UNC5C: variants seen among roughly 807,000 people sequenced by gnomAD.
UNC5C encodes the protein unc-5 netrin receptor C.
A neutral mutation model predicts 99.8 loss-of-function variants in UNC5C; 47 were observed. That is an observed-to-expected ratio of 0.47 (90% CI 0.37 to 0.60). The LOEUF (loss-of-function observed/expected upper bound fraction) is 0.60. UNC5C is among the 20% of genes least tolerant of loss of function. The pLI is 0.00. For missense variants in UNC5C, 1,062 were observed against 1,165.9 expected (o/e 0.91, Z 1.30); for synonymous variants, 487 against 452.2 (o/e 1.08, Z -0.98).
At chr4:95,387,400 A>G (rs1199210025) in intron 1 of UNC5C, among the ~76,000 whole-genome samples, 5 of 152,166 alleles carry the variant, frequency 3.3e-5, no homozygotes, top group Non-Finnish European at 4.4e-5. Context: ...TAGGCCTCCC[A>G]AAGTGCTGGG....
intron 1 of UNC5C, among the ~76,000 whole-genome samples, chr4:95,398,065 C>CTTTTTTTTTTTTTTTTTTTTTTTT (rs1479323772): frequency 4.4e-5 from 2 of 45,700 alleles, no homozygotes; most frequent in African/African-American, 1.1e-4. Context: ...TTTTTTTTTG[C>CTTTTTTTTTTTTTTTTTTTTTTTT]TTATGTAAAA....
chr4:95,306,903 A>G (rs1742080158), intron 2 of UNC5C, among the ~76,000 whole-genome samples: 2 of 152,150 alleles, frequency 1.3e-5, no homozygotes, highest in Non-Finnish European at 2.9e-5. Flanking sequence ...ACAAAGTTTT[A>G]TTGAATTAGT....
At chr4:95,217,155 A>G (rs563951623) in intron 9 of UNC5C, among the ~76,000 whole-genome samples, 31 of 152,356 alleles carry the variant, frequency 2.0e-4, no homozygotes, top group Admixed American at 5.9e-4. Context: ...TGTGAATTTC[A>G]AAAAGGAAAA....
intron 1 of UNC5C, among the ~76,000 whole-genome samples, chr4:95,448,574 C>T (rs1393200373): frequency 6.6e-6 from 1 of 152,074 alleles, no homozygotes; most frequent in African/African-American, 2.4e-5. Context: ...GGAAAAGCAG[C>T]TTTAACTCAG....
At position 95,493,392 on chromosome 4, in the gene UNC5C, T is replaced by C. The variant is rs188032629; in HGVS notation, c.124+55342A>G. On this transcript the variant is annotated intron_variant, in intron 1 of 15. Coordinates refer to ENST00000453304, the MANE Select transcript of UNC5C (RefSeq NM_003728.4). Reference sequence around the variant, plus strand: ...ATGGTTGGAAAGATGGCAGGAAATATGGTCAGGAACAGACTTTTAAACACT... The same window carrying C: ...ATGGTTGGAAAGATGGCAGGAAATACGGTCAGGAACAGACTTTTAAACACT... 1.3e-3 allele frequency among the ~76,000 whole-genome samples: 198 copies of C among 151,596 alleles called. 1 individual carries two copies. Among genetic ancestry groups the C allele is most frequent in the African/African-American group, 4.6e-3 (190 of 41,484 alleles).
At chr4:95,170,420 G>C in intron 14 of UNC5C, 88 bp from the exon 15 acceptor site, 1 of 1,422,636 alleles carries the variant, frequency 7.0e-7, no homozygotes, top group Non-Finnish European at 9.6e-7. Flanking sequence ...GCCTTGCTTT[G>C]AGTGATAAGA....
chr4:95,250,803 T>C (rs994464541), intron 4 of UNC5C, 136 bp from the exon 5 acceptor site: 24 of 885,854 alleles, frequency 2.7e-5, no homozygotes, highest in Non-Finnish European at 3.9e-5. Flanking sequence ...ATATGTACAA[T>C]GTTGTTCCAG....
At chr4:95,318,200 C>T (rs1742553021) in intron 2 of UNC5C, among the ~76,000 whole-genome samples, 1 of 151,970 alleles carries the variant, frequency 6.6e-6, no homozygotes, top group African/African-American at 2.4e-5. Flanking sequence ...AATCCAATGA[C>T]AAGAGTCCTT....
rs561048880 is a variant in UNC5C, at chr4:95,473,495, T to A, written c.124+75239A>T. Among the ~76,000 whole-genome samples the A allele has an allele frequency of 7.4e-4, 112 of 152,300 alleles. 1 individual carries two copies. The highest frequency in any genetic ancestry group is 2.5e-3 in the African/African-American group (103 of 41,586). On this transcript the variant is annotated intron_variant, in intron 1 of 15. Coordinates refer to ENST00000453304, the MANE Select transcript of UNC5C (RefSeq NM_003728.4). ...TTTTGCTGAGAAATTTGCCTGCATT[T>A]ATCTTTAGACTTTGTGATAAGAGCA...
chr4:95,475,335 T>C (rs1748109714), intron 1 of UNC5C, among the ~76,000 whole-genome samples: 1 of 152,002 alleles, frequency 6.6e-6, no homozygotes, highest in Non-Finnish European at 1.5e-5. Context: ...AATTCATTAC[T>C]TGGGAAATTG....
At chr4:95,195,078 C>G (rs1215032184) in intron 12 of UNC5C, among the ~76,000 whole-genome samples, 2 of 152,180 alleles carry the variant, frequency 1.3e-5, no homozygotes, top group African/African-American at 4.8e-5. Context: ...CTTCCTTAAG[C>G]CATTATCTTC....
intron 2 of UNC5C, among the ~76,000 whole-genome samples, chr4:95,325,316 T>C (rs1742846254): frequency 6.6e-6 from 1 of 152,064 alleles, no homozygotes; most frequent in Admixed American, 6.5e-5. Context: ...ACTTGGAGAA[T>C]AAACTGCTGG....
chr4:95,261,449 T>A (rs1740223067), intron 4 of UNC5C, among the ~76,000 whole-genome samples: 1 of 152,210 alleles, frequency 6.6e-6, no homozygotes, highest in African/African-American at 2.4e-5. Context: ...GAGAGACCAA[T>A]TTTAAATTCC....
At chr4:95,399,956 T>G (rs1441584412) in intron 1 of UNC5C, among the ~76,000 whole-genome samples, 1 of 152,210 alleles carries the variant, frequency 6.6e-6, no homozygotes, top group Non-Finnish European at 1.5e-5. Flanking sequence ...TACCCCTAAT[T>G]GAGCACAATG....
chr4:95,322,937 C>CAAAAA (rs34082198), intron 2 of UNC5C, among the ~76,000 whole-genome samples: 1 of 89,758 alleles, frequency 1.1e-5, no homozygotes, highest in Non-Finnish European at 2.3e-5. Context: ...GATTCTGTCT[C>CAAAAA]AAAAAAAAAA....
chr4:95,521,247 C>T (rs188769248), intron 1 of UNC5C, among the ~76,000 whole-genome samples: 2,102 of 122,898 alleles, frequency 0.017, 67 homozygotes, highest in African/African-American at 0.059. Context: ...GGTGGAGTTT[C>T]GCTCTTGTTG....
intron 1 of UNC5C, among the ~76,000 whole-genome samples, chr4:95,408,268 C>T (rs1745881578): frequency 6.6e-6 from 1 of 152,096 alleles, no homozygotes; most frequent in Admixed American, 6.6e-5. Flanking sequence ...CTTTAAATGG[C>T]TGGAAGTATT....
intron 1 of UNC5C, among the ~76,000 whole-genome samples, chr4:95,503,999 T>C (rs1238436237): frequency 6.6e-6 from 1 of 152,178 alleles, no homozygotes; most frequent in Non-Finnish European, 1.5e-5. Context: ...TTCAAATTTA[T>C]GTCATTAATC....
intron 2 of UNC5C, among the ~76,000 whole-genome samples, chr4:95,325,941 G>GACTA (rs2149415384): frequency 1.3e-5 from 2 of 152,204 alleles, no homozygotes; most frequent in East Asian, 3.9e-4. Flanking sequence ...CTCTTTTTTA[G>GACTA]ACTAACTGTT....
Sources: allele counts gnomAD v4.1 joint callset (sites outside exome capture counted in the v4.1 genomes callset), GRCh38; gene constraint gnomAD v4.1.1; transcripts MANE v1.5; gene names NCBI Gene and HGNC (gene_info 2026-07-23, HGNC 2026-07-21).